Variants in SCHIP1 observed in about 807,000 individuals in gnomAD.
SCHIP1 encodes the protein schwannomin-interacting protein 1.
In SCHIP1, 8 loss-of-function variants were observed where a neutral mutation model predicts 29.7. The ratio of observed to expected loss-of-function variants is 0.27; its 90% CI spans 0.16 to 0.49. The LOEUF is 0.49. Ranked by LOEUF, SCHIP1 falls within the 20% of genes least tolerant of loss-of-function variation. SCHIP1 has a pLI of 0.99. For synonymous variants in SCHIP1, 76 were observed against 94.9 expected, an observed-to-expected ratio of 0.80 and a Z score of 1.16; for missense variants, 193 against 294.6, an observed-to-expected ratio of 0.66 and a Z score of 2.52.
chr3:159,289,634 T>C, the SCHIP1 span, among the ~76,000 whole-genome samples: 5 of 152,196 alleles, frequency 3.3e-5, no homozygotes, highest in African/African-American at 4.8e-5. Flanking sequence ...CCTTAATTAA[T>C]AATTTTACTT....
chr3:159,493,690 CA>C, the SCHIP1 span, among the ~76,000 whole-genome samples: 1 of 151,192 alleles, frequency 6.6e-6, no homozygotes, highest in East Asian at 1.9e-4. Flanking sequence ...TTAGACAGAT[CA>C]ACAAGACAGA....
chr3:159,688,679 A>G, the SCHIP1 span, among the ~76,000 whole-genome samples: 3 of 152,154 alleles, frequency 2.0e-5, no homozygotes, highest in Admixed American at 1.3e-4. Context: ...GCCCATGCCT[A>G]TGTCCTGAAT....
the SCHIP1 span, among the ~76,000 whole-genome samples, chr3:159,537,939 C>A: frequency 6.6e-6 from 1 of 152,014 alleles, no homozygotes; most frequent in African/African-American, 2.4e-5. Flanking sequence ...AGTACAGAAG[C>A]CAATAGGCAC....
At chr3:159,820,873 G>A in the SCHIP1 span, among the ~76,000 whole-genome samples, 2 of 152,200 alleles carry the variant, frequency 1.3e-5, no homozygotes, top group South Asian at 2.1e-4. Flanking sequence ...TGGATATTGT[G>A]TAGTGTTATA....
At chr3:159,293,780 T>TA in the SCHIP1 span, among the ~76,000 whole-genome samples, 1 of 151,954 alleles carries the variant, frequency 6.6e-6, no homozygotes, top group Non-Finnish European at 1.5e-5. Context: ...TTTAACTCAA[T>TA]AGTTATAGGG....
At chr3:159,681,313 AAAAG>A in the SCHIP1 span, among the ~76,000 whole-genome samples, 4 of 152,236 alleles carry the variant, frequency 2.6e-5, no homozygotes, top group South Asian at 6.2e-4. Context: ...AGACTAATGA[AAAAG>A]AAAGGAGAAT....
At chr3:159,285,801 G>A in the SCHIP1 span, among the ~76,000 whole-genome samples, 3 of 152,038 alleles carry the variant, frequency 2.0e-5, no homozygotes, top group East Asian at 1.9e-4. Context: ...ATAAACATTT[G>A]TTGAGGACCT....
chr3:159,530,866 G>T, the SCHIP1 span, among the ~76,000 whole-genome samples: 1 of 152,162 alleles, frequency 6.6e-6, no homozygotes, highest in Non-Finnish European at 1.5e-5. Flanking sequence ...ACATGACCAG[G>T]AGGTTGAAAT....
At chr3:159,450,971 G>A in the SCHIP1 span, among the ~76,000 whole-genome samples, 1 of 151,884 alleles carries the variant, frequency 6.6e-6, no homozygotes, top group Non-Finnish European at 1.5e-5. Context: ...ACCACGCCCA[G>A]CTAATTTTTT....
the SCHIP1 span, among the ~76,000 whole-genome samples, chr3:159,466,524 A>C: frequency 6.6e-6 from 1 of 152,204 alleles, no homozygotes; most frequent in Non-Finnish European, 1.5e-5. Flanking sequence ...AGAACACTCC[A>C]TAAGTGGTAG....
chr3:159,761,684 T>C, the SCHIP1 span, among the ~76,000 whole-genome samples: 5 of 152,222 alleles, frequency 3.3e-5, no homozygotes, highest in South Asian at 2.1e-4. Context: ...TACTTTCCCA[T>C]CTGATCCAGA....
chr3:159,501,102 G>A, the SCHIP1 span, among the ~76,000 whole-genome samples: 4 of 152,110 alleles, frequency 2.6e-5, no homozygotes, highest in Admixed American at 2.6e-4. Flanking sequence ...AGCCAACTAG[G>A]GCTAGGACAA....
the SCHIP1 span, among the ~76,000 whole-genome samples, chr3:159,464,980 T>C: frequency 6.6e-6 from 1 of 152,134 alleles, no homozygotes; most frequent in Admixed American, 6.6e-5. Context: ...AGAAAGAATG[T>C]AGCCTAAAGC....
At chr3:159,819,597 A>T in the SCHIP1 span, among the ~76,000 whole-genome samples, 1 of 152,114 alleles carries the variant, frequency 6.6e-6, no homozygotes, top group Non-Finnish European at 1.5e-5. Flanking sequence ...TCTGGTCACC[A>T]GTGGCTCCAG....
chr3:159,626,180 CTAGATAGATAGA>C, the SCHIP1 span, among the ~76,000 whole-genome samples: 180 of 92,320 alleles, frequency 1.9e-3, 4 homozygotes, highest in Non-Finnish European at 2.8e-3. Flanking sequence ...ATCTATCTAT[CTAGATAGATAGA>C]TAGATAGATA....
At chr3:159,568,818 G>A in the SCHIP1 span, among the ~76,000 whole-genome samples, 4 of 151,916 alleles carry the variant, frequency 2.6e-5, no homozygotes, top group African/African-American at 2.4e-5. Flanking sequence ...TGACAGTATC[G>A]TATTCAGATC....
the SCHIP1 span, among the ~76,000 whole-genome samples, chr3:159,463,054 G>T: frequency 6.6e-6 from 1 of 151,612 alleles, no homozygotes; most frequent in South Asian, 2.1e-4. Context: ...ATAGAATATT[G>T]TCAATCAATA....
the SCHIP1 span, among the ~76,000 whole-genome samples, chr3:159,645,372 C>T: frequency 2.6e-5 from 4 of 152,110 alleles, no homozygotes; most frequent in South Asian, 2.1e-4. Flanking sequence ...CTTATCACAT[C>T]GACTCCTGCA....
chr3:159,646,888 A>AAAGAGACC, the SCHIP1 span, among the ~76,000 whole-genome samples: 1 of 152,038 alleles, frequency 6.6e-6, no homozygotes, highest in African/African-American at 2.4e-5. Flanking sequence ...AGGAATACTA[A>AAAGAGACC]AAGAGACCCA....
Sources: allele counts gnomAD v4.1 joint callset (sites outside exome capture counted in the v4.1 genomes callset), GRCh38; gene constraint gnomAD v4.1.1; transcripts MANE v1.5; gene names NCBI Gene and HGNC (gene_info 2026-07-23, HGNC 2026-07-21).